The following ENOX2 variants were observed in gnomAD, a reference collection of about 807,000 sequenced individuals.
ENOX2 encodes the protein APK1 antigen.
A neutral mutation model predicts 45.0 loss-of-function variants in ENOX2; 36 were observed. The ratio of observed to expected loss-of-function variants is 0.80; its 90% CI spans 0.61 to 1.06. The LOEUF (loss-of-function observed/expected upper bound fraction) is 1.06, where lower values mean the gene tolerates loss of function less well. ENOX2 is among the 50% of genes least tolerant of loss of function. The pLI is 0.00. For missense variants in ENOX2, 423 were observed against 462.5 expected, an observed-to-expected ratio of 0.91 and a Z score of 0.78; for synonymous variants, 174 against 152.3, an observed-to-expected ratio of 1.14 and a Z score of -1.05.
Position 130,627,943 on chromosome X carries a change from T to C in ENOX2, c.1614+15A>G. ...CCCACATCCCCTTGCATCCCCATTT[T>C]AGGCCCCCATATACCTTATTATCAA... On this transcript the variant is annotated intron_variant, in intron 14 of 14. Transcript: ENST00000394363. The C allele has an allele frequency of 8.6e-7, 1 of 1,158,715 alleles. No homozygotes were observed. Among genetic ancestry groups the C allele is most frequent in the Non-Finnish European group, 1.2e-6 (1 of 847,987 alleles).
At chrX:130,841,810 A>G (rs960730854) in intron 2 of ENOX2, among the ~76,000 whole-genome samples, 1 of 111,963 alleles carries the variant, frequency 8.9e-6, no homozygotes. Context: ...ATACATCAAG[A>G]AGAAGATAAT....
chrX:130,752,680 G>C (rs1359965199), intron 3 of ENOX2, among the ~76,000 whole-genome samples: 3 of 110,561 alleles, frequency 2.7e-5, no homozygotes, highest in Non-Finnish European at 5.7e-5. Context: ...TTTTCTGCCT[G>C]TCTGTCTCTT....
intron 10 of ENOX2, among the ~76,000 whole-genome samples, chrX:130,647,699 A>AT (rs1258804774): frequency 1.6e-4 from 17 of 109,235 alleles, no homozygotes; most frequent in South Asian, 7.8e-4. Context: ...TTTTTTATTT[A>AT]TTTTTTTTTG....
chrX:130,711,233 T>C (rs980314025), intron 3 of ENOX2, among the ~76,000 whole-genome samples: 26 of 111,734 alleles, frequency 2.3e-4, no homozygotes, highest in African/African-American at 7.8e-4. Flanking sequence ...TGAAGCAATA[T>C]ATTGTGGCAG....
chrX:130,852,064 A>C (rs1429247190), intron 2 of ENOX2, among the ~76,000 whole-genome samples: 1 of 112,218 alleles, frequency 8.9e-6, no homozygotes, highest in Non-Finnish European at 1.9e-5. Context: ...ATCCTAGGAC[A>C]AGAAATATGA....
At chrX:130,751,359 T>G (rs2039216713) in intron 3 of ENOX2, among the ~76,000 whole-genome samples, 1 of 112,414 alleles carries the variant, frequency 8.9e-6, no homozygotes, top group Non-Finnish European at 1.9e-5. Flanking sequence ...TTTATCTCCC[T>G]TGTAGCATGT....
intron 3 of ENOX2, among the ~76,000 whole-genome samples, chrX:130,749,838 TTCTG>T (rs973886740): frequency 4.6e-5 from 5 of 109,821 alleles, no homozygotes; most frequent in African/African-American, 1.3e-4. Flanking sequence ...ACATCTGTTT[TTCTG>T]TCTATTTTTC....
chrX:130,679,034 G>T (rs2037229272), intron 6 of ENOX2, among the ~76,000 whole-genome samples: 1 of 111,274 alleles, frequency 9.0e-6, no homozygotes, highest in Admixed American at 9.6e-5. Flanking sequence ...GTGTCATGTT[G>T]GGAGGAAGCA....
At chrX:130,631,337 C>G in intron 13 of ENOX2, 131 bp downstream of exon 13, 1 of 480,226 alleles carries the variant, frequency 2.1e-6, no homozygotes, top group Non-Finnish European at 3.7e-6. Flanking sequence ...CTATCATCTT[C>G]AGAACTCTGA....
chrX:130,903,141 G>A lies in ENOX2; in HGVS notation c.-323C>T, dbSNP rs1240302975. ...TTCCTGGGCTCGTAGTGCCCTCGCG[G>A]CGCCCCACGCCGCGCCACTCTCTTC... On this transcript the variant is annotated 5_prime_UTR_variant, in exon 1 of 15. Transcript: ENST00000394363. 4 of 112,752 alleles carry A rather than the reference G, an allele frequency of 3.5e-5. No individual in the cohort carries two copies. The highest frequency in any genetic ancestry group is 9.7e-5 in the African/African-American group (3 of 30,932). The allele number at this position is 112,752 out of a possible 1,213,427, so 9.3% of individuals were successfully genotyped here.
chrX:130,708,126 G>A (rs975538922), intron 3 of ENOX2, among the ~76,000 whole-genome samples: 1 of 111,627 alleles, frequency 9.0e-6, no homozygotes, highest in East Asian at 2.8e-4. Context: ...TGGGTTTGAC[G>A]AAAAAATGGG....
chrX:130,639,635 A>C (rs748902551), intron 10 of ENOX2, among the ~76,000 whole-genome samples: 1 of 111,985 alleles, frequency 8.9e-6, no homozygotes, highest in Non-Finnish European at 1.9e-5. Context: ...GAATTATCAG[A>C]CTGGGATTTT....
At chrX:130,759,577 CAAAAA>C (rs753411112) in intron 3 of ENOX2, among the ~76,000 whole-genome samples, 1 of 19,948 alleles carries the variant, frequency 5.0e-5, no homozygotes, top group Non-Finnish European at 1.0e-4. Flanking sequence ...GACTATGTAC[CAAAAA>C]AAAAAAAAAA....
At chrX:130,690,614 T>C (rs976997198) in intron 4 of ENOX2, among the ~76,000 whole-genome samples, 4 of 111,900 alleles carry the variant, frequency 3.6e-5, no homozygotes, top group African/African-American at 9.7e-5. Context: ...CCCAAAGACT[T>C]CACCATGTTC....
rs887348866 is a variant in ENOX2, at chrX:130,622,947, C to T, written c.*2367G>A. Reference sequence around the variant, plus strand: ...GAGTTGGATGTTGCAGTTTTGAGTCCAAAGGCAGTCTCGAAGCAGAATTCC... The same window carrying T: ...GAGTTGGATGTTGCAGTTTTGAGTCTAAAGGCAGTCTCGAAGCAGAATTCC... On this transcript the variant is annotated 3_prime_UTR_variant, in exon 15 of 15. Coordinates refer to ENST00000394363, the MANE Select transcript of ENOX2 (RefSeq NM_006375.4). Among the ~76,000 whole-genome samples, 1 of 111,139 alleles carries T rather than the reference C, an allele frequency of 9.0e-6. No individual in the cohort carries two copies. Among genetic ancestry groups the T allele is most frequent in the Admixed American group, 9.6e-5 (1 of 10,367 alleles).
At chrX:130,723,918 C>T (rs1288596752) in intron 3 of ENOX2, among the ~76,000 whole-genome samples, 1 of 111,694 alleles carries the variant, frequency 9.0e-6, no homozygotes, top group African/African-American at 3.3e-5. Context: ...TCAATAAAAA[C>T]TTTGATGGCA....
intron 6 of ENOX2, among the ~76,000 whole-genome samples, chrX:130,677,583 T>G (rs959726725): frequency 1.8e-5 from 2 of 111,259 alleles, no homozygotes; most frequent in Non-Finnish European, 3.8e-5. Context: ...GATTGGGTCA[T>G]GAAGTCTCTG....
intron 5 of ENOX2, among the ~76,000 whole-genome samples, chrX:130,680,282 T>G (rs1477267542): frequency 8.9e-6 from 1 of 112,015 alleles, no homozygotes; most frequent in Non-Finnish European, 1.9e-5. Flanking sequence ...ATGATTTGGT[T>G]TCACAAAATC....
chrX:130,839,017 G>C (rs1351311415), intron 2 of ENOX2, among the ~76,000 whole-genome samples: 1 of 111,979 alleles, frequency 8.9e-6, no homozygotes, highest in Non-Finnish European at 1.9e-5. Context: ...GGGCATTGCC[G>C]CCAAAGTGTC....
Sources: allele counts gnomAD v4.1 joint callset (sites outside exome capture counted in the v4.1 genomes callset), GRCh38; gene constraint gnomAD v4.1.1; transcripts MANE v1.5; gene names NCBI Gene and HGNC (gene_info 2026-07-23, HGNC 2026-07-21).